The following HSBP1L1 variants were observed in gnomAD, a reference collection of about 807,000 sequenced individuals.
HSBP1L1 encodes heat shock factor-binding protein 1-like protein 1.
HSBP1L1 carries 8 observed loss-of-function variants against 9.7 expected under a neutral mutation model. The ratio of observed to expected loss-of-function variants is 0.82; its 90% CI spans 0.48 to 1.48. The LOEUF (loss-of-function observed/expected upper bound fraction) is 1.48, where lower values mean the gene tolerates loss of function less well. Among genes scored for constraint, HSBP1L1 ranks in the 40% most tolerant of loss-of-function variants. The pLI, the probability that HSBP1L1 is intolerant of heterozygous loss-of-function variation, is 0.00. For synonymous variants in HSBP1L1, 39 were observed against 34.4 expected (o/e 1.13, Z -0.46); for missense variants, 106 against 95.8 (o/e 1.11, Z -0.44).
In HSBP1L1 at chr18:79,964,668, T is replaced by C. The variant is rs2051247320; in HGVS notation, c.-68T>C. ...ATACGGGAATCGCGGAGCTTAGCTGTCGCCACCTCGCGCCGGGTCCGCGCG... is the reference window on the plus strand; with the variant it reads ...ATACGGGAATCGCGGAGCTTAGCTGCCGCCACCTCGCGCCGGGTCCGCGCG... On this transcript the variant is annotated 5_prime_UTR_variant, in exon 1 of 4. Transcript: ENST00000451882. 2 of 908,708 alleles carry C rather than the reference T, an allele frequency of 2.2e-6. No individual in the cohort carries two copies. Among genetic ancestry groups the C allele is most frequent in the East Asian group, 3.3e-5 (1 of 30,254 alleles). The allele number at this position is 908,708 out of a possible 1,614,324, so 56.3% of individuals were successfully genotyped here. A position where few individuals can be genotyped will look rare whatever the true frequency, so the allele number is the denominator to read the frequency against.
At chr18:79,969,329 GAAA>G in intron 3 of HSBP1L1, among the ~76,000 whole-genome samples, 1 of 75,756 alleles carries the variant, frequency 1.3e-5, no homozygotes, top group Non-Finnish European at 2.6e-5. Context: ...AAGAAAGAAA[GAAA>G]AAGAAAGAAA....
chr18:79,969,297 A>AGGGAGGGAGG (rs56685733), intron 3 of HSBP1L1, among the ~76,000 whole-genome samples: 1 of 71,504 alleles, frequency 1.4e-5, no homozygotes, highest in Non-Finnish European at 3.1e-5. Flanking sequence ...GGAGGGAGGG[A>AGGGAGGGAGG]GAGAGAGAGA....
intron 3 of HSBP1L1, among the ~76,000 whole-genome samples, chr18:79,968,626 A>G (rs143603042): frequency 0.02 from 2,991 of 151,754 alleles, 45 homozygotes; most frequent in African/African-American, 0.029. Flanking sequence ...GCCCGGCCAC[A>G]CCCAGCTAGT....
chr18:79,966,076 C>T (rs1428505147), intron 1 of HSBP1L1, among the ~76,000 whole-genome samples: 6 of 151,884 alleles, frequency 4.0e-5, no homozygotes, highest in Admixed American at 6.5e-5. Flanking sequence ...GGACTACAGG[C>T]GCCCGCCACT....
intron 1 of HSBP1L1, 67 bp from the exon 2 acceptor site, chr18:79,966,545 A>AG: frequency 1.9e-6 from 1 of 514,064 alleles, no homozygotes. Context: ...TTCATCTCAG[A>AG]AAAAAAAAAA....
intron 2 of HSBP1L1, 30 bp from the exon 3 acceptor site, chr18:79,968,059 A>G: frequency 7.0e-7 from 1 of 1,423,806 alleles, no homozygotes; most frequent in South Asian, 1.3e-5. Flanking sequence ...TCTGGACTCC[A>G]GCTCTACGCA....
chr18:79,967,958 A>C, intron 2 of HSBP1L1, 131 bp from the exon 3 acceptor site: 1 of 595,820 alleles, frequency 1.7e-6, no homozygotes, highest in South Asian at 2.1e-5. Flanking sequence ...TTGCATGGAC[A>C]CTAGGCCTGT....
chr18:79,967,147 CA>C (rs5826682), intron 2 of HSBP1L1, among the ~76,000 whole-genome samples: 75,964 of 105,114 alleles, frequency 0.72, 26,134 homozygotes, highest in East Asian at 0.87. Context: ...GACTCCGTCT[CA>C]AAAAAAAAAA....
At chr18:79,964,972 G>C (rs1160412505) in intron 1 of HSBP1L1, among the ~76,000 whole-genome samples, 186 bp downstream of exon 1, 2 of 145,292 alleles carry the variant, frequency 1.4e-5, no homozygotes, top group Admixed American at 6.8e-5. Flanking sequence ...CTGAGTGCCT[G>C]GGAGGCCTGT....
chr18:79,968,354 T>C (rs761361530), intron 3 of HSBP1L1, among the ~76,000 whole-genome samples, 171 bp downstream of exon 3: 9 of 152,082 alleles, frequency 5.9e-5, no homozygotes, highest in Non-Finnish European at 1.0e-4. Context: ...TGAGGTGGAG[T>C]CTTGCTCTGT....
Position 79,964,700 on chromosome 18 carries a change from G to C in HSBP1L1, c.-36G>C. On this transcript the variant is annotated 5_prime_UTR_variant, in exon 1 of 4. Coordinates refer to ENST00000451882, the MANE Select transcript of HSBP1L1 (RefSeq NM_001136180.2). ...CTCGCGCCGGGTCCGCGCGGCCCAC[G>C]GGACCCCCCACTGACGCCCCCGGCC... 3 of 1,320,920 alleles carry C rather than the reference G, an allele frequency of 2.3e-6. No homozygotes were observed. Among genetic ancestry groups the C allele is most frequent in the African/African-American group, 1.5e-5 (1 of 64,518 alleles). The allele number at this position is 1,320,920 out of a possible 1,614,324, so 81.8% of individuals were successfully genotyped here.
intron 3 of HSBP1L1, among the ~76,000 whole-genome samples, chr18:79,968,499 G>A (rs527708695): frequency 6.6e-6 from 1 of 152,030 alleles, no homozygotes; most frequent in African/African-American, 2.4e-5. Context: ...GCTAATTTTT[G>A]TATTTTAGTA....
chr18:79,968,604 G>A (rs1457520874), intron 3 of HSBP1L1, among the ~76,000 whole-genome samples: 2 of 151,990 alleles, frequency 1.3e-5, no homozygotes, highest in African/African-American at 2.4e-5. Context: ...AATTACAGGC[G>A]TGAGCCACCA....
At chr18:79,965,673 C>T (rs748076192) in intron 1 of HSBP1L1, among the ~76,000 whole-genome samples, 33 of 152,264 alleles carry the variant, frequency 2.2e-4, no homozygotes, top group Admixed American at 3.9e-4. Flanking sequence ...TCTTGAGGAG[C>T]GCAGGGTCAC....
chr18:79,966,877 A>G (rs907951489), intron 2 of HSBP1L1, 199 bp downstream of exon 2: 77 of 489,536 alleles, frequency 1.6e-4, no homozygotes, highest in Middle Eastern at 5.8e-4. Flanking sequence ...GGCCGGGTGC[A>G]GTGGCTCACG....
intron 3 of HSBP1L1, among the ~76,000 whole-genome samples, chr18:79,968,564 G>T (rs2051269180): frequency 6.6e-6 from 1 of 152,134 alleles, no homozygotes; most frequent in African/African-American, 2.4e-5. Context: ...AACCTCAGGT[G>T]ATCCACCCAC....
At chr18:79,970,220 G>T (rs1298393657) in intron 3 of HSBP1L1, 2 of 499,420 alleles carry the variant, frequency 4.0e-6, no homozygotes, top group Non-Finnish European at 7.4e-6. Context: ...GTAAGTGGTT[G>T]TAAGGATTTA....
At chr18:79,969,352 AAAG>A (rs879605771) in intron 3 of HSBP1L1, among the ~76,000 whole-genome samples, 850 of 41,148 alleles carry the variant, frequency 0.021, 16 homozygotes, top group Non-Finnish European at 0.039. Flanking sequence ...AGAAAGAAAG[AAAG>A]AAAGAAAGAA....
chr18:79,969,255 AGAGAGAGG>A (rs1251409799), intron 3 of HSBP1L1, among the ~76,000 whole-genome samples: 7 of 23,730 alleles, frequency 2.9e-4, no homozygotes, highest in Non-Finnish European at 3.3e-4. Flanking sequence ...GAGAGGAGAG[AGAGAGAGG>A]GAGGGAGGGA....
Sources: gnomAD v4.1 joint callset for allele counts (sites outside exome capture counted in the v4.1 genomes callset) on GRCh38, gnomAD v4.1.1 for gene constraint, MANE v1.5 for transcripts, NCBI Gene and HGNC (gene_info 2026-07-23, HGNC 2026-07-21) for gene names.